VTI1A: variants seen among roughly 807,000 people sequenced by gnomAD.
VTI1A encodes the protein vesicle transport through interaction with t-SNAREs 1A.
Under a neutral mutation model 34.9 loss-of-function variants are expected in VTI1A, and 22 were observed. That is an observed-to-expected ratio of 0.63 (90% CI 0.45 to 0.90). The LOEUF is 0.90. VTI1A is among the 40% of genes least tolerant of loss of function. VTI1A has a pLI of 0.00. For synonymous variants in VTI1A, 87 were observed against 97.3 expected (o/e 0.89, Z 0.62); for missense variants, 268 against 275.6 (o/e 0.97, Z 0.20).
At position 112,512,685 on chromosome 10, in the gene VTI1A, G is replaced by C. The variant is rs77993016; in HGVS notation, c.265-14402G>C. The stretch of plus-strand genomic sequence containing the variant: ...GTATTTTCATAGTTTGGAGTCTTGT[G>C]TTTAGGTCCTTAATCCACTTTGAAT... On this transcript the variant is annotated intron_variant, in intron 3 of 7. Transcript: ENST00000393077. 3.9e-5 allele frequency among the ~76,000 whole-genome samples: 6 copies of C among 152,212 alleles called. No individual in the cohort carries two copies. In the East Asian group the frequency reaches 1.2e-3, roughly 29 times the overall value.
Position 112,595,430 on chromosome 10 carries a change from T to C in VTI1A, c.427+57100T>C, listed in dbSNP as rs1412340961. Among the ~76,000 whole-genome samples, 4 of 151,716 alleles carry C rather than the reference T, an allele frequency of 2.6e-5. No individual in the cohort carries two copies. The East Asian group carries it at 7.8e-4, about 29-fold the overall frequency. On this transcript the variant is annotated intron_variant, in intron 5 of 7. Transcript: ENST00000393077. ...CTACTCATCTGACAAAGGGCTAATA[T>C]CCAGAATCTACAATGCACTCAAACA...
At chr10:112,835,416 G>A in the VTI1A span, among the ~76,000 whole-genome samples, 1 of 152,212 alleles carries the variant, frequency 6.6e-6, no homozygotes, top group Non-Finnish European at 1.5e-5. Context: ...GGCATGCTGC[G>A]ATTGTTTTTA....
chr10:112,839,573 T>G, the VTI1A span, among the ~76,000 whole-genome samples: 932 of 151,644 alleles, frequency 6.1e-3, 8 homozygotes, highest in African/African-American at 0.022. Context: ...GGGACAAACA[T>G]GGAATCAGAG....
chr10:112,673,154 TA>T (rs1317356979), intron 7 of VTI1A, among the ~76,000 whole-genome samples: 46 of 151,514 alleles, frequency 3.0e-4, no homozygotes, highest in African/African-American at 9.9e-4. Context: ...TCACCTCTAC[TA>T]AAAAATACAA....
intron 7 of VTI1A, among the ~76,000 whole-genome samples, chr10:112,813,647 C>A (rs1211349854): frequency 6.6e-6 from 1 of 152,238 alleles, no homozygotes; most frequent in Admixed American, 6.5e-5. Flanking sequence ...GCCTCACTAT[C>A]ATAAGCCATG....
intron 7 of VTI1A, among the ~76,000 whole-genome samples, chr10:112,793,816 A>C (rs1408652501): frequency 6.6e-6 from 1 of 152,202 alleles, no homozygotes; most frequent in African/African-American, 2.4e-5. Flanking sequence ...TTCTAGAATC[A>C]GACTAGGTGC....
At chr10:112,718,935 A>T (rs1472117589) in intron 7 of VTI1A, among the ~76,000 whole-genome samples, 3 of 152,214 alleles carry the variant, frequency 2.0e-5, no homozygotes, top group Non-Finnish European at 4.4e-5. Context: ...CTCAGTTATC[A>T]ACCAGAATTC....
chr10:112,806,919 C>G (rs1853104729), intron 7 of VTI1A, among the ~76,000 whole-genome samples: 1 of 152,178 alleles, frequency 6.6e-6, no homozygotes, highest in African/African-American at 2.4e-5. Context: ...ATTCCAGAGG[C>G]AGGAGTTTTG....
At chr10:112,519,771 A>G (rs1849943684) in intron 3 of VTI1A, among the ~76,000 whole-genome samples, 1 of 152,062 alleles carries the variant, frequency 6.6e-6, no homozygotes, top group Admixed American at 6.6e-5. Context: ...TTAAATTTGC[A>G]GCCTGATCTA....
At chr10:112,716,842 A>G (rs970453422) in intron 7 of VTI1A, among the ~76,000 whole-genome samples, 1 of 152,182 alleles carries the variant, frequency 6.6e-6, no homozygotes, top group Non-Finnish European at 1.5e-5. Context: ...TGGATAAGGG[A>G]TACCCAACCC....
intron 5 of VTI1A, among the ~76,000 whole-genome samples, chr10:112,554,951 A>G (rs77455093): frequency 0.037 from 5,562 of 152,214 alleles, 373 homozygotes; most frequent in East Asian, 0.27. Context: ...CATGTGGTCT[A>G]TCCCCACATG....
chr10:112,618,524 T>TATATATAGAGAGAGAGAGAG (rs748276058), intron 5 of VTI1A, among the ~76,000 whole-genome samples: 16 of 34,574 alleles, frequency 4.6e-4, no homozygotes, highest in African/African-American at 6.5e-4. Flanking sequence ...TATATATATA[T>TATATATAGAGAGAGAGAGAG]AGAGAGAGAG....
At chr10:112,613,970 G>T (rs536442349) in intron 5 of VTI1A, among the ~76,000 whole-genome samples, 7 of 151,724 alleles carry the variant, frequency 4.6e-5, no homozygotes, top group East Asian at 3.9e-4. Flanking sequence ...CTTTTTTTTC[G>T]TCCATTTTTC....
intron 5 of VTI1A, among the ~76,000 whole-genome samples, chr10:112,577,132 C>T (rs1353400680): frequency 6.6e-6 from 1 of 152,138 alleles, no homozygotes; most frequent in African/African-American, 2.4e-5. Flanking sequence ...TGAGTCCTCA[C>T]GTGGTGGGGA....
intron 7 of VTI1A, among the ~76,000 whole-genome samples, chr10:112,694,495 T>G (rs1163293004): frequency 6.6e-6 from 1 of 152,094 alleles, no homozygotes; most frequent in Admixed American, 6.6e-5. Flanking sequence ...TGCATTTTAG[T>G]TAAAGATCTG....
At chr10:112,546,711 C>T (rs1398983552) in intron 5 of VTI1A, among the ~76,000 whole-genome samples, 4 of 152,008 alleles carry the variant, frequency 2.6e-5, no homozygotes, top group Non-Finnish European at 4.4e-5. Context: ...TCACAATTTC[C>T]TGCATATCTT....
In VTI1A at chr10:112,527,165, G is replaced by T; in HGVS notation, c.342+1G>T. The T allele has an allele frequency of 3.7e-6, 6 of 1,613,122 alleles. No individual in the cohort carries two copies. Among genetic ancestry groups the T allele is most frequent in the Non-Finnish European group, 5.1e-6 (6 of 1,179,502 alleles). On this transcript the variant is annotated splice_donor_variant, in intron 4 of 7. Coordinates refer to ENST00000393077, the MANE Select transcript of VTI1A (RefSeq NM_145206.4). LOFTEE classifies it high-confidence loss of function. ...TGATGGGAATTCCTCAGAGAACCAG[G>T]TAGAATGCTAATCAGGAAGGCCCGG...
chr10:112,565,649 T>C (rs1388423378), intron 5 of VTI1A, among the ~76,000 whole-genome samples: 1 of 152,196 alleles, frequency 6.6e-6, no homozygotes, highest in Non-Finnish European at 1.5e-5. Context: ...ACACATAGGC[T>C]GCGCCATTGA....
intron 5 of VTI1A, among the ~76,000 whole-genome samples, chr10:112,637,779 T>C (rs1442349015): frequency 1.3e-5 from 2 of 152,256 alleles, no homozygotes; most frequent in African/African-American, 2.4e-5. Context: ...ATTTCTGTAC[T>C]GTACATCCCA....
Sources: allele counts gnomAD v4.1 joint callset (sites outside exome capture counted in the v4.1 genomes callset), GRCh38; gene constraint gnomAD v4.1.1; transcripts MANE v1.5; gene names NCBI Gene and HGNC (gene_info 2026-07-23, HGNC 2026-07-21).